Variants in WDR59 observed in about 807,000 individuals in gnomAD.
WDR59 encodes WD repeat domain 59.
Under a neutral mutation model 131.2 loss-of-function variants are expected in WDR59, and 100 were observed. The ratio of observed to expected loss-of-function variants is 0.76; its 90% CI spans 0.65 to 0.90. WDR59 has a LOEUF of 0.90. Ranked by LOEUF, WDR59 falls within the 40% of genes least tolerant of loss-of-function variation. The pLI is 0.00. For missense variants in WDR59, 1,203 were observed against 1,262.2 expected (o/e 0.95, Z 0.71); for synonymous variants, 601 against 466.2 (o/e 1.29, Z -3.72).
At position 74,873,980 on chromosome 16, in the gene WDR59, A is replaced by C; in HGVS notation, c.*229T>G. On this transcript the variant is annotated 3_prime_UTR_variant, in exon 26 of 26. Transcript: ENST00000262144. ...CCGACATAGACAACACACAAAGCGC[A>C]GCTCTGCACTTCTGTCCTTATCTTC... The C allele has an allele frequency of 1.8e-6, 1 of 546,552 alleles. No homozygotes were observed. The highest frequency in any genetic ancestry group is 3.3e-6 in the Non-Finnish European group (1 of 304,968). The allele number at this position is 546,552 out of a possible 1,614,324, so 33.9% of individuals were successfully genotyped here. A position where few individuals can be genotyped will look rare whatever the true frequency, so the allele number is the denominator to read the frequency against.
At chr16:74,978,681 G>A (rs374193419) in intron 1 of WDR59, among the ~76,000 whole-genome samples, 32 of 152,258 alleles carry the variant, frequency 2.1e-4, no homozygotes, top group African/African-American at 7.5e-4. Flanking sequence ...GATTACGGCA[G>A]TGGTTACATG....
At chr16:74,889,324 T>C (rs754644598) in intron 21 of WDR59, among the ~76,000 whole-genome samples, 1 of 152,154 alleles carries the variant, frequency 6.6e-6, no homozygotes, top group Non-Finnish European at 1.5e-5. Flanking sequence ...TTGGCAAACA[T>C]GAACACCAAC....
intron 10 of WDR59, among the ~76,000 whole-genome samples, chr16:74,919,763 G>A (rs556315115): frequency 6.6e-6 from 1 of 152,174 alleles, no homozygotes; most frequent in African/African-American, 2.4e-5. Flanking sequence ...TCCCTCAGGA[G>A]GCATCCTTGT....
rs186537910 is a variant in WDR59 at position 74,872,908 on chromosome 16, A to G, written c.*1301T>C. 6.8e-6 allele frequency: 1 copy of G among 148,080 alleles called. No homozygotes were observed. Among genetic ancestry groups the G allele is most frequent in the Non-Finnish European group, 1.5e-5 (1 of 66,790 alleles). 9.2% of individuals were successfully genotyped at this position (148,080 alleles called of 1,614,324 possible). On this transcript the variant is annotated 3_prime_UTR_variant, in exon 26 of 26. Transcript: ENST00000262144. ...GCCACCACACCCGGCTATTTTTTTA[A>G]TTTTTTTTTTCTTTTTTTGAGACAG... is the stretch of plus-strand genomic sequence containing the variant.
intron 10 of WDR59, 148 bp downstream of exon 10, chr16:74,921,799 T>C (rs2030259113): frequency 4.3e-6 from 4 of 920,408 alleles, no homozygotes; most frequent in East Asian, 5.4e-5. Flanking sequence ...TACTCACCTA[T>C]GACGAAAGGT....
intron 25 of WDR59, among the ~76,000 whole-genome samples, chr16:74,879,973 G>GAGA (rs1180671567): frequency 6.6e-6 from 1 of 151,860 alleles, no homozygotes; most frequent in African/African-American, 2.4e-5. Context: ...ATCACTTGAA[G>GAGA]CCAAGAATTT....
chr16:74,957,398 A>T (rs2033347734), intron 2 of WDR59, among the ~76,000 whole-genome samples: 1 of 152,044 alleles, frequency 6.6e-6, no homozygotes, highest in Non-Finnish European at 1.5e-5. Flanking sequence ...ATATCTCTGT[A>T]TGCTTCACAT....
rs75721424 is a variant in WDR59, at chr16:74,949,588, G to A, written c.407+130C>T. The A allele has an allele frequency of 1.3e-3, 922 of 711,588 alleles. 6 individuals are homozygous for A. Among genetic ancestry groups the A allele is most frequent in the African/African-American group, 0.011 (619 of 55,396 alleles). The allele number at this position is 711,588 out of a possible 1,614,324, so 44.1% of individuals were successfully genotyped here. On this transcript the variant is annotated intron_variant, in intron 5 of 25. Coordinates refer to ENST00000262144, the MANE Select transcript of WDR59 (RefSeq NM_030581.4). The stretch of plus-strand genomic sequence containing the variant: ...TTTCACTCTCAAATAATATATTTGC[G>A]CTCAAATCTCTCACTCAAACTTGTC...
At chr16:74,983,885 G>GA (rs35492026) in intron 1 of WDR59, among the ~76,000 whole-genome samples, 59,356 of 151,692 alleles carry the variant, frequency 0.39, 13,777 homozygotes, top group Non-Finnish European at 0.53. Flanking sequence ...AGGCTGAGGT[G>GA]GGAGGATAGC....
intron 18 of WDR59, among the ~76,000 whole-genome samples, chr16:74,899,384 T>G (rs1318137562): frequency 6.6e-6 from 1 of 152,186 alleles, no homozygotes; most frequent in Non-Finnish European, 1.5e-5. Context: ...ATTACACAAA[T>G]GCTCCAAGTG....
intron 8 of WDR59, among the ~76,000 whole-genome samples, chr16:74,928,510 C>A (rs1024646890): frequency 3.9e-5 from 6 of 151,998 alleles, no homozygotes; most frequent in African/African-American, 1.4e-4. Context: ...TGAGCCACTG[C>A]GCCCAGCTTT....
intron 17 of WDR59, among the ~76,000 whole-genome samples, chr16:74,908,216 G>T (rs1199001916): frequency 6.6e-6 from 1 of 152,056 alleles, no homozygotes; most frequent in Non-Finnish European, 1.5e-5. Flanking sequence ...TCAGGAGTTT[G>T]AGACCAGCCT....
chr16:74,891,867 T>C (rs1567693553), intron 20 of WDR59, among the ~76,000 whole-genome samples: 1 of 152,178 alleles, frequency 6.6e-6, no homozygotes. Context: ...GAGGTTGTGG[T>C]GAGCTGAGAT....
intron 1 of WDR59, among the ~76,000 whole-genome samples, chr16:74,980,354 G>GT (rs1361728544): frequency 1.4e-5 from 2 of 146,812 alleles, no homozygotes; most frequent in African/African-American, 4.9e-5. Flanking sequence ...AAAAATCTAA[G>GT]TCTTTTTTTT....
chr16:74,884,252 G>A (rs118143441), intron 25 of WDR59, among the ~76,000 whole-genome samples: 1,656 of 152,178 alleles, frequency 0.011, 84 homozygotes, highest in Admixed American at 0.079. Flanking sequence ...TCCTTTCCTC[G>A]TAGGAAGGCC....
At chr16:74,880,665 C>T (rs1471012295) in intron 25 of WDR59, among the ~76,000 whole-genome samples, 2 of 152,064 alleles carry the variant, frequency 1.3e-5, no homozygotes, top group Non-Finnish European at 1.5e-5. Context: ...AGGCACAGGA[C>T]GACAGGATAG....
intron 25 of WDR59, among the ~76,000 whole-genome samples, chr16:74,882,807 C>CAAAAAAAAA (rs569507124): frequency 2.7e-4 from 14 of 51,416 alleles, no homozygotes; most frequent in East Asian, 7.5e-4. Flanking sequence ...AACACTGTCT[C>CAAAAAAAAA]AAAAAAAAAA....
At chr16:74,950,203 G>A (rs955470086) in intron 4 of WDR59, among the ~76,000 whole-genome samples, 2 of 152,070 alleles carry the variant, frequency 1.3e-5, no homozygotes, top group South Asian at 2.1e-4. Flanking sequence ...TTAGCCAGGC[G>A]TGGTGGCACA....
At chr16:74,946,311 T>C (rs962927173) in intron 6 of WDR59, among the ~76,000 whole-genome samples, 40 of 152,326 alleles carry the variant, frequency 2.6e-4, no homozygotes, top group African/African-American at 8.4e-4. Context: ...TCTTGGACTG[T>C]GTCCCCTGAG....
Sources: allele counts gnomAD v4.1 joint callset (sites outside exome capture counted in the v4.1 genomes callset), GRCh38; gene constraint gnomAD v4.1.1; transcripts MANE v1.5; gene names NCBI Gene and HGNC (gene_info 2026-07-23, HGNC 2026-07-21).